Variants in CEBPZ observed in about 807,000 individuals in gnomAD.
CEBPZ encodes the protein CCAAT/enhancer-binding protein zeta.
Under a neutral mutation model 104.5 loss-of-function variants are expected in CEBPZ, and 78 were observed. The observed-to-expected ratio is 0.75, with a 90% confidence interval of 0.62 to 0.90. The LOEUF is 0.90. CEBPZ is among the 40% of genes least tolerant of loss of function. The pLI, the probability that CEBPZ is intolerant of heterozygous loss-of-function variation, is 0.00. For synonymous variants in CEBPZ, 470 were observed against 427.0 expected, an observed-to-expected ratio of 1.10 and a Z score of -1.24; for missense variants, 1,439 against 1,233.5, an observed-to-expected ratio of 1.17 and a Z score of -2.50.
intron 13 of CEBPZ, among the ~76,000 whole-genome samples, chr2:37,205,553 G>A (rs1677507985): frequency 1.3e-5 from 2 of 152,098 alleles, no homozygotes; most frequent in African/African-American, 4.8e-5. Context: ...TTCGGACTCA[G>A]CCCGCCTGCA....
intron 5 of CEBPZ, among the ~76,000 whole-genome samples, chr2:37,218,273 A>C (rs961069549): frequency 1.1e-4 from 16 of 152,028 alleles, no homozygotes; most frequent in Non-Finnish European, 2.4e-4. Context: ...CCTCAAAAAA[A>C]AAAAGAAAAA....
In CEBPZ at chr2:37,228,365, C is replaced by T. The variant is rs376581596; in HGVS notation, c.828G>A (p.Lys276=). 2 of 1,614,030 alleles carry T rather than the reference C, an allele frequency of 1.2e-6. No homozygotes were observed. Among genetic ancestry groups the T allele is most frequent in the African/African-American group, 1.3e-5 (1 of 74,910 alleles). The part of the protein sequence containing the change: ...VETLVNLVKK[K]GSKQQCLMAL... ...CCATAAGGCACTGCTGTTTGCTGCCCTTCTTTTTAACAAGGTTCACAAGAG... is the reference window on the plus strand; with the variant it reads ...CCATAAGGCACTGCTGTTTGCTGCCTTTCTTTTTAACAAGGTTCACAAGAG... Residue 276 remains lysine, a synonymous_variant, in exon 2 of 16, where the codon AAG becomes AAA. Transcript: ENST00000234170.
chr2:37,228,450 A>C lies in CEBPZ; in HGVS notation c.743T>G (p.Met248Arg). ...CTGAATAAGAAGAATCATGGCTGCC[A>C]TCCTGTCACCTAGTGTCCCCGATGA... ...IVSSGTLGDR[M>R]AAMILLIQDD... Residue 248 changes from methionine (M) to arginine (R), a missense_variant, in exon 2 of 16, where the codon ATG becomes AGG. Coordinates refer to ENST00000234170, the MANE Select transcript of CEBPZ (RefSeq NM_005760.3). 4 of 1,614,214 alleles carry C rather than the reference A, an allele frequency of 2.5e-6. No homozygotes were observed. Among genetic ancestry groups the C allele is most frequent in the Non-Finnish European group, 3.4e-6 (4 of 1,180,034 alleles).
chr2:37,203,407 T>A (rs1677379668), intron 13 of CEBPZ: 1 of 153,654 alleles, frequency 6.5e-6, no homozygotes, highest in Middle Eastern at 3.4e-3. Flanking sequence ...TGACTGAAAG[T>A]ATGTTTATTA....
In CEBPZ at chr2:37,211,089, C is replaced by T; in HGVS notation, c.2801-7G>A. ...TTGGAGTGGACTTCAAGTTCTGTTA[C>T]ACGAAAAAATTTGCTAATAAGCAAT... On this transcript the variant is annotated splice_polypyrimidine_tract_variant and splice_region_variant and intron_variant, in intron 12 of 15. Transcript: ENST00000234170. The T allele has an allele frequency of 6.3e-7, 1 of 1,597,162 alleles. No homozygotes were observed.
At chr2:37,229,781 G>A (rs533078423) in intron 1 of CEBPZ, among the ~76,000 whole-genome samples, 1 of 152,228 alleles carries the variant, frequency 6.6e-6, no homozygotes, top group Admixed American at 6.5e-5. Context: ...GACCATGGCT[G>A]AACTGCAGCC....
intron 2 of CEBPZ, 138 bp downstream of exon 2, chr2:37,227,405 AG>A (rs1664912796): frequency 1.6e-6 from 1 of 623,692 alleles, no homozygotes; most frequent in Non-Finnish European, 2.7e-6. Flanking sequence ...ACTTACTTGA[AG>A]GTGGCGAGTA....
At chr2:37,204,360 C>CTCTGCCT (rs140401952) in intron 13 of CEBPZ, 19,831 of 150,962 alleles carry the variant, frequency 0.13, 1,454 homozygotes, top group South Asian at 0.26. Context: ...TCACTGCAAC[C>CTCTGCCT]TCTGCCTTCT....
intron 4 of CEBPZ, among the ~76,000 whole-genome samples, chr2:37,221,018 C>T (rs1664758518): frequency 6.6e-6 from 1 of 151,992 alleles, no homozygotes; most frequent in Admixed American, 6.6e-5. Flanking sequence ...AGTAAAAGCT[C>T]CCTTCAAAAC....
chr2:37,227,894 G>C lies in CEBPZ; in HGVS notation c.1299C>G (p.Ile433Met). The change falls in exon 2 of 16, where the codon ATC becomes ATG. Residue 433 changes from isoleucine to methionine, a missense_variant. By Grantham distance (10) the Ile-to-Met change is conservative (BLOSUM62 1). Coordinates refer to ENST00000234170, the MANE Select transcript of CEBPZ (RefSeq NM_005760.3). The stretch of plus-strand genomic sequence containing the variant: ...TTGCATAATATTGAGCTTTGGAGCT[G>C]ATATTTGAGCGGAAGAGTAGCCTTT... ...EVERLLFRSN[I>M]SSKAQYYAIC... The C allele has an allele frequency of 6.2e-7, 1 of 1,614,164 alleles. No individual in the cohort carries two copies. The highest frequency in any genetic ancestry group is 2.2e-5 in the East Asian group (1 of 44,890).
chr2:37,226,950 C>T (rs1165145527), intron 2 of CEBPZ, among the ~76,000 whole-genome samples: 1 of 152,124 alleles, frequency 6.6e-6, no homozygotes, highest in East Asian at 1.9e-4. Flanking sequence ...TCCCCCAAAA[C>T]TCTCTACTTA....
At position 37,216,164 on chromosome 2, in the gene CEBPZ, T is replaced by A. The variant is rs1447390162; in HGVS notation, c.2356A>T (p.Ile786Phe). The part of the protein sequence containing the change: ...VVMQPKRKHF[I>F]KDIRHLPVNS... ...CCAGGAAGATGACGAATATCCTTAATAAAATGTTTTCTTTTCGGCTGCATC... is the reference window on the plus strand; with the variant it reads ...CCAGGAAGATGACGAATATCCTTAAAAAAATGTTTTCTTTTCGGCTGCATC... Residue 786 changes from isoleucine (I) to phenylalanine (F), a missense_variant, in exon 8 of 16, where the codon ATT becomes TTT. Physicochemically the swap from Ile to Phe is conservative, Grantham distance 21 (BLOSUM62 0). Transcript: ENST00000234170. 1 of 1,612,876 alleles carries A rather than the reference T, an allele frequency of 6.2e-7. No individual in the cohort carries two copies. The highest frequency in any genetic ancestry group is 1.7e-5 in the Admixed American group (1 of 59,986).
chr2:37,230,975 A>G (rs1665063797), intron 1 of CEBPZ, among the ~76,000 whole-genome samples: 1 of 152,028 alleles, frequency 6.6e-6, no homozygotes, highest in African/African-American at 2.4e-5. Context: ...AAGTTTGTTT[A>G]CTGTTTCTCT....
At position 37,212,389 on chromosome 2, in the gene CEBPZ, G is replaced by C. The variant is rs113301421; in HGVS notation, c.2549C>G (p.Thr850Arg). 2 of 1,612,636 alleles carry C rather than the reference G, an allele frequency of 1.2e-6. No individual in the cohort carries two copies. The highest frequency in any genetic ancestry group is 1.7e-6 in the Non-Finnish European group (2 of 1,179,134). Residue 850 changes from threonine (T) to arginine (R), a missense_variant, in exon 11 of 16, where the codon ACA (threonine) becomes AGA (arginine). By Grantham distance (71) the Thr-to-Arg change is moderately conservative (BLOSUM62 -1). Coordinates refer to ENST00000234170, the MANE Select transcript of CEBPZ (RefSeq NM_005760.3). ...GCTGAAACAGTTATCATCTTCAAAT[G>C]TGTCTGCCAGACAATACAGAAATGT... The part of the protein sequence containing the change: ...DDEEFEELID[T>R]FEDDNCFSSG...
chr2:37,215,759 C>T (rs1677851982), intron 8 of CEBPZ, among the ~76,000 whole-genome samples: 1 of 151,966 alleles, frequency 6.6e-6, no homozygotes, highest in African/African-American at 2.4e-5. Flanking sequence ...TTTTGTGCTG[C>T]TAAGCTGATA....
At position 37,228,111 on chromosome 2, in the gene CEBPZ, G is replaced by A. The variant is rs199854236; in HGVS notation, c.1082C>T (p.Thr361Ile). The change falls in exon 2 of 16, where the codon ACT (threonine) becomes ATT (isoleucine). Residue 361 changes from threonine to isoleucine, a missense_variant. Thr to Ile is a moderately conservative substitution (Grantham distance 89). Coordinates refer to ENST00000234170, the MANE Select transcript of CEBPZ (RefSeq NM_005760.3). ...ETLSHDTLVT[T>I]KTRALTVAHE... Reference sequence around the variant, plus strand: ...AGCCACGGTAAGGGCTCGAGTTTTAGTGGTTACTAATGTATCATGACTTAA... The same window carrying A: ...AGCCACGGTAAGGGCTCGAGTTTTAATGGTTACTAATGTATCATGACTTAA... The A allele has an allele frequency of 6.2e-7, 1 of 1,614,206 alleles. No individual in the cohort carries two copies. Among genetic ancestry groups the A allele is most frequent in the East Asian group, 2.2e-5 (1 of 44,886 alleles).
Position 37,228,525 on chromosome 2 carries a change from T to C in CEBPZ, c.668A>G (p.Lys223Arg). 1 of 1,614,240 alleles carries C rather than the reference T, an allele frequency of 6.2e-7. No homozygotes were observed. The highest frequency in any genetic ancestry group is 8.5e-7 in the Non-Finnish European group (1 of 1,180,038). The change falls in exon 2 of 16, where the codon AAG (lysine) becomes AGG (arginine). Residue 223 changes from lysine to arginine, a missense_variant. Coordinates refer to ENST00000234170, the MANE Select transcript of CEBPZ (RefSeq NM_005760.3). ...YQHEINLFKS[K>R]TNSQKGASST... ...AGAGGCTCCCTTTTGACTATTCGTC[T>C]TACTTTTGAATAAGTTGATTTCATG...
intron 8 of CEBPZ, chr2:37,215,183 A>T: frequency 2.7e-6 from 1 of 366,560 alleles, no homozygotes; most frequent in Non-Finnish European, 4.9e-6. Context: ...GGCAGTACAT[A>T]GCTGTCAGTG....
At chr2:37,216,495 G>T (rs886298842) in intron 6 of CEBPZ, 77 bp from the exon 7 acceptor site, 2 of 1,064,018 alleles carry the variant, frequency 1.9e-6, no homozygotes, top group African/African-American at 3.2e-5. Context: ...GGAAGAAAAA[G>T]ATAATTTCTA....
Sources: gnomAD v4.1 joint callset for allele counts (sites outside exome capture counted in the v4.1 genomes callset) on GRCh38, gnomAD v4.1.1 for gene constraint, MANE v1.5 for transcripts, NCBI Gene and HGNC (gene_info 2026-07-23, HGNC 2026-07-21) for gene names.